The following SGCD variants were observed in gnomAD, a reference collection of about 807,000 sequenced individuals.
SGCD encodes the protein sarcoglycan delta, also known as delta-sarcoglycan.
In SGCD, 18 loss-of-function variants were observed where a neutral mutation model predicts 36.6. The ratio of observed to expected loss-of-function variants is 0.49; its 90% CI spans 0.34 to 0.73. The LOEUF is 0.73. SGCD is among the 30% of genes least tolerant of loss of function. SGCD has a pLI of 0.01. For missense variants in SGCD, 387 were observed against 346.7 expected, an observed-to-expected ratio of 1.12 and a Z score of -0.92; for synonymous variants, 133 against 130.6, an observed-to-expected ratio of 1.02 and a Z score of -0.12.
chr5:156,420,067 T>G (rs918371942), intron 3 of SGCD, among the ~76,000 whole-genome samples: 1 of 152,146 alleles, frequency 6.6e-6, no homozygotes, highest in African/African-American at 2.4e-5. Flanking sequence ...TTGGGGTATC[T>G]TACTTTAGTT....
chr5:156,519,861 T>G (rs570309488), intron 4 of SGCD, among the ~76,000 whole-genome samples: 18 of 152,188 alleles, frequency 1.2e-4, no homozygotes, highest in Non-Finnish European at 2.1e-4. Flanking sequence ...TGAAGAAACA[T>G]TCCTCAAAAT....
chr5:156,374,704 C>A (rs1237759754), intron 3 of SGCD, among the ~76,000 whole-genome samples: 1 of 149,466 alleles, frequency 6.7e-6, no homozygotes, highest in African/African-American at 2.5e-5. Flanking sequence ...CTCTGTTGCC[C>A]AGGCTGGAGT....
At chr5:156,026,279 C>A (rs187001387) in intron 1 of SGCD, among the ~76,000 whole-genome samples, 164 of 152,288 alleles carry the variant, frequency 1.1e-3, no homozygotes, top group African/African-American at 3.7e-3. Context: ...GACATTACAA[C>A]AATTATCATC....
At chr5:156,486,012 A>C (rs565791371) in intron 3 of SGCD, among the ~76,000 whole-genome samples, 2 of 152,228 alleles carry the variant, frequency 1.3e-5, no homozygotes, top group South Asian at 4.2e-4. Flanking sequence ...ATGCAACAGC[A>C]GTGTTCCAGA....
chr5:156,443,613 C>G (rs1044577431), intron 3 of SGCD, among the ~76,000 whole-genome samples: 1 of 152,060 alleles, frequency 6.6e-6, no homozygotes, highest in East Asian at 1.9e-4. Flanking sequence ...AATTAACACC[C>G]TCATGACATG....
At chr5:156,435,285 A>G (rs1321439699) in intron 3 of SGCD, among the ~76,000 whole-genome samples, 1 of 152,196 alleles carries the variant, frequency 6.6e-6, no homozygotes, top group Non-Finnish European at 1.5e-5. Flanking sequence ...CCTAGACACA[A>G]AGATTCCCTG....
intron 1 of SGCD, among the ~76,000 whole-genome samples, chr5:156,068,915 T>C (rs1269125083): frequency 1.3e-5 from 2 of 152,076 alleles, no homozygotes; most frequent in East Asian, 1.9e-4. Context: ...GCTGCGTAAA[T>C]GTCTTCTTTT....
intron 3 of SGCD, among the ~76,000 whole-genome samples, chr5:156,415,883 T>C (rs1325467801): frequency 6.6e-6 from 1 of 152,230 alleles, no homozygotes; most frequent in African/African-American, 2.4e-5. Context: ...TTAAAACTTT[T>C]AGCTAAAATA....
chr5:156,215,232 T>A (rs577293267), intron 3 of SGCD, among the ~76,000 whole-genome samples: 1 of 152,060 alleles, frequency 6.6e-6, no homozygotes, highest in South Asian at 2.1e-4. Context: ...ATTCAACCCA[T>A]TGAAGAAAAT....
chr5:156,730,814 T>C (rs1352739910), intron 7 of SGCD, among the ~76,000 whole-genome samples: 1 of 152,180 alleles, frequency 6.6e-6, no homozygotes, highest in Non-Finnish European at 1.5e-5. Context: ...CTTTAAGGAA[T>C]TGCCGCACTG....
chr5:155,911,854 AT>A (rs1268308954), intron 1 of SGCD, among the ~76,000 whole-genome samples: 1 of 152,080 alleles, frequency 6.6e-6, no homozygotes, highest in Non-Finnish European at 1.5e-5. Flanking sequence ...TACCTGGTCC[AT>A]TGTACACTGC....
intron 3 of SGCD, among the ~76,000 whole-genome samples, chr5:156,427,809 T>A (rs778847430): frequency 2.0e-4 from 30 of 152,196 alleles, no homozygotes; most frequent in Non-Finnish European, 2.1e-4. Context: ...TGATTTTTGT[T>A]TTTAATTCTC....
chr5:155,771,193 T>G, the SGCD span, among the ~76,000 whole-genome samples: 1 of 152,084 alleles, frequency 6.6e-6, no homozygotes, highest in Non-Finnish European at 1.5e-5. Context: ...TTTCCTGGGT[T>G]CCACCATGCC....
chr5:156,475,098 C>T (rs980045516), intron 3 of SGCD, among the ~76,000 whole-genome samples: 10 of 152,160 alleles, frequency 6.6e-5, no homozygotes, highest in Non-Finnish European at 1.0e-4. Context: ...GCTCCACCAG[C>T]CTCTGACTAT....
At chr5:156,608,316 A>G (rs1761587781) in intron 6 of SGCD, among the ~76,000 whole-genome samples, 1 of 152,232 alleles carries the variant, frequency 6.6e-6, no homozygotes, top group African/African-American at 2.4e-5. Flanking sequence ...GTAGTCATTC[A>G]GGAGCAGGTT....
chr5:156,545,042 C>T (rs1219667504), intron 4 of SGCD, among the ~76,000 whole-genome samples: 1 of 152,100 alleles, frequency 6.6e-6, no homozygotes, highest in African/African-American at 2.4e-5. Context: ...TTTGACTGTT[C>T]AGTGAAGAGG....
At chr5:156,360,531 A>G (rs1418331197) in intron 3 of SGCD, among the ~76,000 whole-genome samples, 1 of 152,032 alleles carries the variant, frequency 6.6e-6, no homozygotes, top group African/African-American at 2.4e-5. Flanking sequence ...TACAGGCCTA[A>G]TTGGTTTTTT....
At chr5:156,285,051 C>T (rs990386163) in intron 3 of SGCD, among the ~76,000 whole-genome samples, 2 of 152,142 alleles carry the variant, frequency 1.3e-5, no homozygotes, top group African/African-American at 4.8e-5. Context: ...AGAGCTAAAT[C>T]ACGAGTGAAC....
intron 4 of SGCD, among the ~76,000 whole-genome samples, chr5:156,530,192 C>G (rs577835906): frequency 1.4e-4 from 21 of 152,314 alleles, no homozygotes; most frequent in Middle Eastern, 3.4e-3. Flanking sequence ...CAGTAAAAGA[C>G]AAGTACAGAT....
Sources: allele counts gnomAD v4.1 joint callset (sites outside exome capture counted in the v4.1 genomes callset), GRCh38; gene constraint gnomAD v4.1.1; transcripts MANE v1.5; gene names NCBI Gene and HGNC (gene_info 2026-07-23, HGNC 2026-07-21).